Variants in PTPRD observed in about 807,000 individuals in gnomAD.
PTPRD encodes protein tyrosine phosphatase receptor type D, also known as receptor-type tyrosine-protein phosphatase delta.
In PTPRD, 34 loss-of-function variants were observed where a neutral mutation model predicts 214.5. The observed-to-expected ratio is 0.16, with a 90% CI of 0.12 to 0.21. PTPRD has a LOEUF of 0.21. Ranked by LOEUF, PTPRD falls within the 10% of genes least tolerant of loss-of-function variation. PTPRD has a pLI of 1.00. For missense variants in PTPRD, 2,545 were observed against 2,398.7 expected, an observed-to-expected ratio of 1.06 and a Z score of -1.27; for synonymous variants, 1,128 against 845.7, an observed-to-expected ratio of 1.33 and a Z score of -5.79.
intron 11 of PTPRD, among the ~76,000 whole-genome samples, chr9:9,005,942 T>C (rs924764036): frequency 1.3e-5 from 2 of 152,044 alleles, no homozygotes; most frequent in African/African-American, 2.4e-5. Flanking sequence ...TTGGAAAATA[T>C]ACAGTTCTAG....
At chr9:8,909,298 C>T (rs913521755) in intron 11 of PTPRD, among the ~76,000 whole-genome samples, 9 of 152,172 alleles carry the variant, frequency 5.9e-5, no homozygotes, top group African/African-American at 2.2e-4. Flanking sequence ...CAAACAAAGA[C>T]ATCACATAAA....
chr9:8,773,758 A>G (rs910002418), intron 11 of PTPRD, among the ~76,000 whole-genome samples: 2 of 152,214 alleles, frequency 1.3e-5, no homozygotes, highest in African/African-American at 4.8e-5. Context: ...TGACTTGTTT[A>G]CAATAACTAT....
chr9:8,380,771 C>G (rs1314467667), intron 37 of PTPRD, among the ~76,000 whole-genome samples: 1 of 152,070 alleles, frequency 6.6e-6, no homozygotes, highest in African/African-American at 2.4e-5. Flanking sequence ...GGCTCTCGTT[C>G]TAGGCTATTT....
chr9:9,555,123 T>G (rs895495395), intron 8 of PTPRD, among the ~76,000 whole-genome samples: 1 of 152,090 alleles, frequency 6.6e-6, no homozygotes, highest in Non-Finnish European at 1.5e-5. Flanking sequence ...AGCATGGACT[T>G]TAGAAGACTG....
At chr9:8,794,803 G>A (rs2096360539) in intron 11 of PTPRD, among the ~76,000 whole-genome samples, 1 of 151,414 alleles carries the variant, frequency 6.6e-6, no homozygotes, top group Non-Finnish European at 1.5e-5. Context: ...GATAATTGCA[G>A]CAACAATGCA....
intron 11 of PTPRD, among the ~76,000 whole-genome samples, chr9:8,897,230 T>C (rs6477360): frequency 0.66 from 99,785 of 151,994 alleles, 34,204 homozygotes; most frequent in African/African-American, 0.86. Context: ...AAGCGTAAGT[T>C]GTAGACACTC....
intron 5 of PTPRD, among the ~76,000 whole-genome samples, chr9:9,848,892 T>C (rs1413117131): frequency 6.6e-6 from 1 of 152,014 alleles, no homozygotes; most frequent in Non-Finnish European, 1.5e-5. Context: ...TAAATTTCTT[T>C]AAAAATCAAT....
intron 11 of PTPRD, among the ~76,000 whole-genome samples, chr9:8,737,855 T>G (rs1197906184): frequency 6.6e-6 from 1 of 152,266 alleles, no homozygotes; most frequent in South Asian, 2.1e-4. Flanking sequence ...TTCACCATAT[T>G]GGTCAGGCTG....
chr9:9,241,007 T>C (rs1376665521), intron 9 of PTPRD, among the ~76,000 whole-genome samples: 1 of 152,168 alleles, frequency 6.6e-6, no homozygotes, highest in Non-Finnish European at 1.5e-5. Context: ...CTGATAACTT[T>C]AAGATTATAC....
chr9:8,875,333 G>A (rs943751350), intron 11 of PTPRD, among the ~76,000 whole-genome samples: 4 of 151,864 alleles, frequency 2.6e-5, no homozygotes, highest in East Asian at 1.9e-4. Context: ...CGAGAGCCTG[G>A]GCAACAGAAT....
At chr9:9,092,491 T>C (rs1032486116) in intron 10 of PTPRD, among the ~76,000 whole-genome samples, 2 of 152,054 alleles carry the variant, frequency 1.3e-5, no homozygotes, top group African/African-American at 4.8e-5. Context: ...GGGAAGTGTA[T>C]TCATAAAGTG....
At chr9:8,472,882 A>G (rs1025618129) in intron 30 of PTPRD, among the ~76,000 whole-genome samples, 5 of 152,076 alleles carry the variant, frequency 3.3e-5, no homozygotes, top group African/African-American at 1.2e-4. Flanking sequence ...GTTTGGGCTG[A>G]TCTTTGGCTT....
chr9:9,318,717 A>G, intron 9 of PTPRD, among the ~76,000 whole-genome samples: 1 of 152,204 alleles, frequency 6.6e-6, no homozygotes. Flanking sequence ...CAACACAGAC[A>G]ACATCCAGAC....
chr9:9,172,598 T>A (rs1339277989), intron 10 of PTPRD, among the ~76,000 whole-genome samples: 1 of 152,280 alleles, frequency 6.6e-6, no homozygotes, highest in African/African-American at 2.4e-5. Flanking sequence ...ATAGATGTGC[T>A]ATGTCTTCTT....
At chr9:10,087,940 T>C (rs1450776111) in intron 3 of PTPRD, among the ~76,000 whole-genome samples, 3 of 151,768 alleles carry the variant, frequency 2.0e-5, no homozygotes, top group Non-Finnish European at 4.4e-5. Flanking sequence ...GGGTCTAGTT[T>C]TTGGCAAAGC....
chr9:8,769,030 C>T (rs1460290548), intron 11 of PTPRD, among the ~76,000 whole-genome samples: 2 of 152,142 alleles, frequency 1.3e-5, no homozygotes, highest in Non-Finnish European at 2.9e-5. Flanking sequence ...TAGCCAAAAG[C>T]AACCCACCTA....
chr9:9,907,262 T>C (rs2077845095), intron 5 of PTPRD, among the ~76,000 whole-genome samples: 1 of 151,996 alleles, frequency 6.6e-6, no homozygotes, highest in South Asian at 2.1e-4. Flanking sequence ...TTATTTCACT[T>C]GGGTTCTTAT....
At chr9:8,693,880 T>C (rs142679828) in intron 12 of PTPRD, among the ~76,000 whole-genome samples, 188 of 152,344 alleles carry the variant, frequency 1.2e-3, no homozygotes, top group African/African-American at 4.1e-3. Context: ...GACTTTTTTC[T>C]CTATAGACTT....
chr9:10,258,016 G>A (rs1270736978), intron 3 of PTPRD, among the ~76,000 whole-genome samples: 1 of 152,148 alleles, frequency 6.6e-6, no homozygotes, highest in African/African-American at 2.4e-5. Context: ...GGAAGCTTGT[G>A]GGGAGAAGGG....
Sources: allele counts gnomAD v4.1 joint callset (sites outside exome capture counted in the v4.1 genomes callset), GRCh38; gene constraint gnomAD v4.1.1; transcripts MANE v1.5; gene names NCBI Gene and HGNC (gene_info 2026-07-23, HGNC 2026-07-21).